Variants in FAM13B observed in about 807,000 individuals in gnomAD.
FAM13B encodes protein FAM13B.
FAM13B carries 60 observed loss-of-function variants against 117.3 expected under a neutral mutation model. That is an observed-to-expected ratio of 0.51 (90% CI 0.42 to 0.63). The LOEUF (loss-of-function observed/expected upper bound fraction) is 0.63. Ranked by LOEUF, FAM13B falls within the 30% of genes least tolerant of loss-of-function variation. The probability of loss-of-function intolerance (pLI) is 0.00; values close to 1 mark genes in which losing one functional copy is unlikely to be tolerated. For synonymous variants in FAM13B, 332 were observed against 356.1 expected (o/e 0.93, Z 0.76); for missense variants, 972 against 1,091.9 (o/e 0.89, Z 1.55).
chr5:137,980,170 T>C (rs1192849275), intron 10 of FAM13B, among the ~76,000 whole-genome samples: 1 of 143,758 alleles, frequency 7.0e-6, no homozygotes, highest in African/African-American at 2.5e-5. Context: ...TGAAACTCCG[T>C]CTCAAGAAAA....
chr5:138,036,292 G>T (rs1248704026), upstream of FAM13B: 3 of 403,640 alleles, frequency 7.4e-6, no homozygotes, highest in Admixed American at 5.8e-5. Context: ...TTTTCTCATG[G>T]TGCTGCTGTG....
intron 7 of FAM13B, among the ~76,000 whole-genome samples, chr5:137,995,325 G>C (rs1294251749): frequency 2.0e-5 from 3 of 152,148 alleles, no homozygotes; most frequent in African/African-American, 7.2e-5. Flanking sequence ...AATCTAGCTA[G>C]ACTTCTCTCA....
chr5:137,981,504 G>A (rs746967157), intron 10 of FAM13B, among the ~76,000 whole-genome samples: 1 of 151,952 alleles, frequency 6.6e-6, no homozygotes, highest in African/African-American at 2.4e-5. Flanking sequence ...GTGGGGAGGG[G>A]GCCAGGTGCA....
chr5:138,044,277 C>T (rs972949463), intron 1 of FAM13B, among the ~76,000 whole-genome samples: 6 of 152,044 alleles, frequency 3.9e-5, no homozygotes, highest in Non-Finnish European at 8.8e-5. Context: ...ATAGGCCGGG[C>T]GCTGTGGCTC....
chr5:137,953,485 C>A lies in FAM13B; in HGVS notation c.1719-20G>T. Reference sequence around the variant, plus strand: ...CGAATTCTGAATTAAAACAAAAGGCCAACACTGTTAAATTTTCAAGTACCA... The same window carrying A: ...CGAATTCTGAATTAAAACAAAAGGCAAACACTGTTAAATTTTCAAGTACCA... On this transcript the variant is annotated intron_variant, in intron 15 of 23. Coordinates refer to ENST00000689681, the MANE Select transcript of FAM13B (RefSeq NM_001385994.1). 1 of 1,611,498 alleles carries A rather than the reference C, an allele frequency of 6.2e-7. No individual in the cohort carries two copies. The highest frequency in any genetic ancestry group is 8.5e-7 in the Non-Finnish European group (1 of 1,179,192).
At chr5:137,950,944 C>G (rs1046033009) in intron 17 of FAM13B, among the ~76,000 whole-genome samples, 2 of 152,100 alleles carry the variant, frequency 1.3e-5, no homozygotes, top group Admixed American at 6.5e-5. Flanking sequence ...AGGTGGCTCA[C>G]GCCTGTAATC....
chr5:138,000,943 C>CAAAAAAAAAAAAAAAAAAAAAAAAAA (rs77100079), intron 7 of FAM13B, among the ~76,000 whole-genome samples: 1 of 141,388 alleles, frequency 7.1e-6, no homozygotes, highest in Non-Finnish European at 1.5e-5. Context: ...AAACAAAAAA[C>CAAAAAAAAAAAAAAAAAAAAAAAAAA]AAAAAAAAAA....
chr5:137,978,216 AT>A lies in FAM13B; in HGVS notation c.1179+7040del, dbSNP rs201451537. Reference sequence around the variant, plus strand: ...CCATTTAGGACTTTTTGTGTTTCCCATTTTTTTTTCCGATGAAGAAACCCCC... The same window carrying A: ...CCATTTAGGACTTTTTGTGTTTCCCATTTTTTTTCCGATGAAGAAACCCCC... On this transcript the variant is annotated intron_variant, in intron 10 of 23. Transcript: ENST00000689681. Among the ~76,000 whole-genome samples the A allele has an allele frequency of 5.3e-5, 8 of 150,370 alleles. No homozygotes were observed. In the East Asian group the frequency reaches 1.6e-3, roughly 29 times the overall value.
In FAM13B at chr5:137,959,624, T is replaced by C. The variant is rs1767572415; in HGVS notation, c.1433A>G (p.Lys478Arg). ...LDLKNVSDGD[K>R]WEASCPITFP... ...CGTGTGGGTAAAATTACCTTCCCAT[T>C]TATCACCATCAGAAACATTCTTCAG... Residue 478 changes from lysine to arginine, a missense_variant, in exon 13 of 24, where the codon AAA (lysine) becomes AGA (arginine). Physicochemically the swap from Lys to Arg is conservative, Grantham distance 26 (BLOSUM62 2). Transcript: ENST00000689681. 6.2e-7 allele frequency: 1 copy of C among 1,613,680 alleles called. No individual in the cohort carries two copies. Among genetic ancestry groups the C allele is most frequent in the African/African-American group, 1.3e-5 (1 of 74,910 alleles).
At chr5:137,963,284 A>T (rs1401448793) in intron 10 of FAM13B, among the ~76,000 whole-genome samples, 1 of 152,240 alleles carries the variant, frequency 6.6e-6, no homozygotes, top group Non-Finnish European at 1.5e-5. Flanking sequence ...TTAAATGCAG[A>T]AGCATATACA....
intron 17 of FAM13B, among the ~76,000 whole-genome samples, chr5:137,950,327 G>C (rs556844959): frequency 1.3e-5 from 2 of 152,288 alleles, no homozygotes; most frequent in East Asian, 3.9e-4. Flanking sequence ...TAGCACAAAG[G>C]ATTTAGTGGA....
upstream of FAM13B, among the ~76,000 whole-genome samples, chr5:138,035,144 C>G (rs1043765754): frequency 6.6e-6 from 1 of 151,188 alleles, no homozygotes; most frequent in Non-Finnish European, 1.5e-5. Context: ...TCCTGAGTAG[C>G]TGGGACTACA....
intron 9 of FAM13B, among the ~76,000 whole-genome samples, chr5:137,987,011 G>C (rs1777404398): frequency 6.6e-6 from 1 of 152,156 alleles, no homozygotes; most frequent in Admixed American, 6.5e-5. Flanking sequence ...GGAGAGGCTG[G>C]TGGGAAGGGA....
At chr5:137,961,475 G>A (rs1768098768) in intron 11 of FAM13B, among the ~76,000 whole-genome samples, 1 of 152,176 alleles carries the variant, frequency 6.6e-6, no homozygotes, top group Non-Finnish European at 1.5e-5. Flanking sequence ...TGGGCTGGAA[G>A]AGGATGATTC....
In FAM13B at chr5:137,946,224, T is replaced by C; in HGVS notation, c.2244+4A>G. The C allele has an allele frequency of 6.3e-7, 1 of 1,578,956 alleles. No homozygotes were observed. Among genetic ancestry groups the C allele is most frequent in the Non-Finnish European group, 8.6e-7 (1 of 1,165,982 alleles). On this transcript the variant is annotated splice_donor_region_variant and intron_variant, in intron 19 of 23. Transcript: ENST00000689681. ...TCAAATCTTTTTAGCAAGAGAGATA[T>C]TACCGGCCTTCCATGTTGACTTTCA...
intron 1 of FAM13B, among the ~76,000 whole-genome samples, chr5:138,028,976 C>T (rs755087888): frequency 1.3e-5 from 2 of 152,006 alleles, no homozygotes; most frequent in Non-Finnish European, 2.9e-5. Context: ...CCGAGATCGC[C>T]GCCATTGCAC....
chr5:138,032,128 C>G (rs866890057), intron 1 of FAM13B, among the ~76,000 whole-genome samples: 3 of 152,240 alleles, frequency 2.0e-5, no homozygotes, highest in African/African-American at 7.2e-5. Flanking sequence ...TTTCCCACTG[C>G]GCAAATGTGC....
chr5:137,992,581 C>T (rs888528788), intron 7 of FAM13B, among the ~76,000 whole-genome samples: 2 of 151,446 alleles, frequency 1.3e-5, no homozygotes, highest in African/African-American at 2.4e-5. Context: ...GCAACGAGAG[C>T]GAAATTCTGC....
intron 13 of FAM13B, among the ~76,000 whole-genome samples, chr5:137,959,291 G>A (rs80238720): frequency 0.014 from 2,115 of 152,250 alleles, 38 homozygotes; most frequent in African/African-American, 0.047. Context: ...TTAACATACT[G>A]GGCTTCCAAA....
Sources: gnomAD v4.1 joint callset for allele counts (sites outside exome capture counted in the v4.1 genomes callset) on GRCh38, gnomAD v4.1.1 for gene constraint, MANE v1.5 for transcripts, NCBI Gene and HGNC (gene_info 2026-07-23, HGNC 2026-07-21) for gene names.